MYH15: variants seen among roughly 807,000 people sequenced by gnomAD.
MYH15 encodes myosin heavy chain 15.
Under a neutral mutation model 240.5 loss-of-function variants are expected in MYH15, and 227 were observed. That is an observed-to-expected ratio of 0.94 (90% confidence interval 0.85 to 1.05). The LOEUF is 1.05. MYH15 is among the 50% of genes least tolerant of loss of function. MYH15 has a pLI of 0.00. For synonymous variants in MYH15, 785 were observed against 796.7 expected, an observed-to-expected ratio of 0.99 and a Z score of 0.25; for missense variants, 2,217 against 2,247.5, an observed-to-expected ratio of 0.99 and a Z score of 0.27.
chr3:108,425,752 A>G lies in MYH15; in HGVS notation c.3702+2740T>C, dbSNP rs138295376. 2.0e-5 allele frequency among the ~76,000 whole-genome samples: 3 copies of G among 152,350 alleles called. No homozygotes were observed. In the East Asian group the frequency reaches 5.8e-4, roughly 29 times the overall value. Reference sequence around the variant, plus strand: ...AAAAAGCCTATATTCCCATGAATGGAACATTAAGAATCCTTCTGATGAGGA... The same window carrying G: ...AAAAAGCCTATATTCCCATGAATGGGACATTAAGAATCCTTCTGATGAGGA... On this transcript the variant is annotated intron_variant, in intron 27 of 40. Transcript: ENST00000693548.
At chr3:108,479,944 AT>A (rs1199109121) in intron 11 of MYH15, among the ~76,000 whole-genome samples, 4 of 152,200 alleles carry the variant, frequency 2.6e-5, no homozygotes, top group Admixed American at 1.3e-4. Context: ...AGCTGTTCAT[AT>A]TTCATTAATT....
At position 108,444,911 on chromosome 3, in the gene MYH15, A is replaced by G; in HGVS notation, c.2400-16T>C. Reference sequence around the variant, plus strand: ...AAGTGCATCCCTAAATCAAGAAAGAAAAAAGAAAAGCAAGTTAGCCCTGAC... The same window carrying G: ...AAGTGCATCCCTAAATCAAGAAAGAGAAAAGAAAAGCAAGTTAGCCCTGAC... On this transcript the variant is annotated splice_polypyrimidine_tract_variant and intron_variant, in intron 21 of 40. Transcript: ENST00000693548. The G allele has an allele frequency of 6.3e-7, 1 of 1,587,360 alleles. No individual in the cohort carries two copies. Among genetic ancestry groups the G allele is most frequent in the South Asian group, 1.2e-5 (1 of 85,660 alleles).
intron 1 of MYH15, among the ~76,000 whole-genome samples, chr3:108,507,700 A>G (rs1291204892): frequency 6.6e-6 from 1 of 152,136 alleles, no homozygotes; most frequent in Non-Finnish European, 1.5e-5. Flanking sequence ...ATTCACCACT[A>G]AAACTGCTTG....
upstream of MYH15, among the ~76,000 whole-genome samples, chr3:108,512,916 C>T (rs2083532222): frequency 1.3e-5 from 2 of 152,086 alleles, no homozygotes; most frequent in South Asian, 2.1e-4. Context: ...GTAACTGAAG[C>T]CAAGAGAATG....
intron 27 of MYH15, among the ~76,000 whole-genome samples, chr3:108,427,017 C>A (rs147146884): frequency 6.6e-6 from 1 of 152,308 alleles, no homozygotes; most frequent in South Asian, 2.1e-4. Flanking sequence ...CTATGCTATG[C>A]CTGTTCCACT....
At chr3:108,448,596 C>A (rs1046337266) in intron 21 of MYH15, among the ~76,000 whole-genome samples, 2 of 151,826 alleles carry the variant, frequency 1.3e-5, no homozygotes, top group African/African-American at 2.4e-5. Context: ...TCCATTCATC[C>A]ATCATAAAAA....
intron 29 of MYH15, among the ~76,000 whole-genome samples, chr3:108,415,958 A>G (rs1233929053): frequency 1.3e-5 from 2 of 152,214 alleles, no homozygotes; most frequent in East Asian, 1.9e-4. Flanking sequence ...TTCACAGTAC[A>G]TCACTAGGTG....
intron 1 of MYH15, 59 bp downstream of exon 1, chr3:108,510,384 T>C (rs2083512518): frequency 6.4e-7 from 1 of 1,556,014 alleles, no homozygotes; most frequent in African/African-American, 1.4e-5. Context: ...ATCAAATATC[T>C]TAGTCACCAT....
chr3:108,428,223 C>T (rs959702844), intron 27 of MYH15, among the ~76,000 whole-genome samples: 2 of 152,114 alleles, frequency 1.3e-5, no homozygotes, highest in African/African-American at 2.4e-5. Context: ...CTTACTTGTG[C>T]AATCACTAAA....
In MYH15 at chr3:108,402,414, T is replaced by C. The variant is rs1404724253; in HGVS notation, c.4736+2924A>G. Reference sequence around the variant, plus strand: ...ATATACCTGGGGCTGTAGACCAGGGTTGGGAAAACTATGGGCTGTGGGCCA... The same window carrying C: ...ATATACCTGGGGCTGTAGACCAGGGCTGGGAAAACTATGGGCTGTGGGCCA... On this transcript the variant is annotated intron_variant, in intron 33 of 40. Coordinates refer to ENST00000693548, the MANE Select transcript of MYH15 (RefSeq NM_014981.3). Among the ~76,000 whole-genome samples the C allele has an allele frequency of 2.6e-5, 4 of 152,330 alleles. No homozygotes were observed. In the East Asian group the frequency reaches 5.8e-4, roughly 22 times the overall value.
At chr3:108,509,319 T>C (rs1356162940) in intron 1 of MYH15, among the ~76,000 whole-genome samples, 1 of 152,246 alleles carries the variant, frequency 6.6e-6, no homozygotes, top group Non-Finnish European at 1.5e-5. Flanking sequence ...CAATTATCTC[T>C]AATGCTTAGG....
chr3:108,408,949 C>A (rs923463581), intron 31 of MYH15, among the ~76,000 whole-genome samples: 3 of 152,186 alleles, frequency 2.0e-5, no homozygotes, highest in Non-Finnish European at 2.9e-5. Context: ...TTTTTCCTAG[C>A]CTCTCATGAA....
chr3:108,444,251 C>G lies in MYH15; in HGVS notation c.2655+389G>C, dbSNP rs183843757. Among the ~76,000 whole-genome samples, 11 of 151,940 alleles carry G rather than the reference C, an allele frequency of 7.2e-5. No homozygotes were observed. The South Asian group carries it at 1.7e-3, about 23-fold the overall frequency. ...GCAGGGAGACCAAAATCAGGATATC[C>G]GACTAGAAGCACACTGCAGCATTCC... On this transcript the variant is annotated intron_variant, in intron 22 of 40. Transcript: ENST00000693548.
chr3:108,481,075 G>C (rs1416844571), intron 11 of MYH15, among the ~76,000 whole-genome samples: 1 of 152,172 alleles, frequency 6.6e-6, no homozygotes, highest in Non-Finnish European at 1.5e-5. Context: ...AGATGCTTAA[G>C]TTAATTATGG....
At chr3:108,530,458 C>T (rs2083704182), upstream of MYH15, among the ~76,000 whole-genome samples, 1 of 152,098 alleles carries the variant, frequency 6.6e-6, no homozygotes, top group African/African-American at 2.4e-5. Flanking sequence ...ATAGGTGGAG[C>T]ATAGGGGATT....
intron 33 of MYH15, among the ~76,000 whole-genome samples, chr3:108,399,590 G>A (rs1020149581): frequency 6.6e-6 from 1 of 151,186 alleles, no homozygotes; most frequent in Non-Finnish European, 1.5e-5. Flanking sequence ...GGATGACCTA[G>A]GGCAAGCACC....
Position 108,493,122 on chromosome 3 carries a change from A to T in MYH15, c.767T>A (p.Ile256Asn). The change falls in exon 8 of 41, where the codon ATT becomes AAT. Residue 256 changes from isoleucine to asparagine, a missense_variant. By Grantham distance (149) the Ile-to-Asn change is moderately radical. Transcript: ENST00000693548. ...GTGCAATGACTACTTACAGATATCA[A>T]TGTCCACAGATGACAGCATGCCTCT... The part of the protein sequence containing the change: ...GARGMLSSVD[I>N]DIYLLEKSRV... The T allele has an allele frequency of 2.5e-6, 4 of 1,614,104 alleles. No homozygotes were observed. The highest frequency in any genetic ancestry group is 3.4e-6 in the Non-Finnish European group (4 of 1,179,934).
At chr3:108,424,677 TTCAGTCTCCACTGTACCAC>T (rs1472092229) in intron 27 of MYH15, among the ~76,000 whole-genome samples, 1 of 152,244 alleles carries the variant, frequency 6.6e-6, no homozygotes, top group East Asian at 1.9e-4. Context: ...TTGAAAATGC[TTCAGTCTCCACTGTACCAC>T]TCAGCATTGG....
chr3:108,384,570 C>CTAGA (rs2082366978), intron 39 of MYH15, 117 bp downstream of exon 39: 2 of 884,218 alleles, frequency 2.3e-6, no homozygotes, highest in Non-Finnish European at 3.5e-6. Flanking sequence ...GATGAGCAGA[C>CTAGA]TCTAAGCTGA....
Sources: gnomAD v4.1 joint callset for allele counts (sites outside exome capture counted in the v4.1 genomes callset) on GRCh38, gnomAD v4.1.1 for gene constraint, MANE v1.5 for transcripts, NCBI Gene and HGNC (gene_info 2026-07-23, HGNC 2026-07-21) for gene names.